The following ULK4 variants were observed in gnomAD, a reference collection of about 807,000 sequenced individuals.
ULK4 encodes unc-51 like kinase 4.
In ULK4, 133 loss-of-function variants were observed where a neutral mutation model predicts 160.6. The ratio of observed to expected loss-of-function variants is 0.83; its 90% CI spans 0.72 to 0.96. The LOEUF is 0.96. Ranked by LOEUF, ULK4 falls within the 40% of genes least tolerant of loss-of-function variation. ULK4 has a pLI of 0.00. For synonymous variants in ULK4, 534 were observed against 539.8 expected (o/e 0.99, Z 0.15); for missense variants, 1,580 against 1,499.5 (o/e 1.05, Z -0.89).
intron 32 of ULK4, among the ~76,000 whole-genome samples, chr3:41,540,985 G>A (rs2086676657): frequency 6.6e-6 from 1 of 152,118 alleles, no homozygotes; most frequent in African/African-American, 2.4e-5. Flanking sequence ...TAGGTTGCCT[G>A]TTCACTCTGA....
Position 41,651,651 on chromosome 3 carries a change from A to G in ULK4, c.3071+11956T>C, listed in dbSNP as rs185916441. ...CATGATTCTATGATATAAATAAACT[A>G]TAAGACCTCAAGAGACAGAAAAGTA... On this transcript the variant is annotated intron_variant, in intron 30 of 36. Transcript: ENST00000301831. Among the ~76,000 whole-genome samples the G allele has an allele frequency of 4.6e-5, 7 of 152,374 alleles. No homozygotes were observed. The East Asian group carries it at 7.7e-4, about 17-fold the overall frequency.
At chr3:41,623,193 T>G (rs908456627) in intron 30 of ULK4, among the ~76,000 whole-genome samples, 5 of 152,230 alleles carry the variant, frequency 3.3e-5, no homozygotes, top group Non-Finnish European at 2.9e-5. Flanking sequence ...TATTTAATAG[T>G]ATGATTAAAT....
intron 17 of ULK4, among the ~76,000 whole-genome samples, chr3:41,869,636 G>A (rs1458880993): frequency 1.3e-5 from 2 of 152,026 alleles, no homozygotes; most frequent in African/African-American, 4.8e-5. Flanking sequence ...ATAAAATATA[G>A]GGATACAATA....
intron 21 of ULK4, among the ~76,000 whole-genome samples, chr3:41,773,899 GC>G: frequency 6.6e-6 from 1 of 152,152 alleles, no homozygotes; most frequent in Non-Finnish European, 1.5e-5. Context: ...ACAGAACAGA[GC>G]CCTCAGAAAT....
chr3:41,342,051 A>G (rs1467846556), intron 35 of ULK4, among the ~76,000 whole-genome samples: 2 of 152,310 alleles, frequency 1.3e-5, no homozygotes, highest in Admixed American at 6.5e-5. Context: ...ACAGTTTATG[A>G]TAAGAACTGG....
chr3:41,834,783 C>A (rs1010239896), intron 18 of ULK4, among the ~76,000 whole-genome samples: 1 of 152,182 alleles, frequency 6.6e-6, no homozygotes. Context: ...GTGGCTCACA[C>A]CTGTAATCCC....
chr3:41,342,173 A>G (rs2080700116), intron 35 of ULK4, among the ~76,000 whole-genome samples: 1 of 152,158 alleles, frequency 6.6e-6, no homozygotes, highest in Non-Finnish European at 1.5e-5. Context: ...AGGGTTTGGA[A>G]TCAAGCTTGT....
At chr3:41,464,989 A>G (rs886847108) in intron 32 of ULK4, among the ~76,000 whole-genome samples, 2 of 152,212 alleles carry the variant, frequency 1.3e-5, no homozygotes, top group African/African-American at 4.8e-5. Context: ...TGTGTAAAAA[A>G]CAGACAACAG....
intron 31 of ULK4, among the ~76,000 whole-genome samples, chr3:41,577,968 T>TA (rs964200052): frequency 1.2e-4 from 18 of 152,208 alleles, no homozygotes; most frequent in African/African-American, 4.3e-4. Flanking sequence ...TGGTTGCCCT[T>TA]AACACCTTCT....
intron 32 of ULK4, among the ~76,000 whole-genome samples, chr3:41,527,732 T>A (rs1024018989): frequency 1.6e-4 from 24 of 152,208 alleles, no homozygotes; most frequent in African/African-American, 5.8e-4. Context: ...TATAAAAAAA[T>A]TTTCAAAAGC....
At chr3:41,336,400 G>A (rs1483149712) in intron 35 of ULK4, among the ~76,000 whole-genome samples, 2 of 152,172 alleles carry the variant, frequency 1.3e-5, no homozygotes, top group Non-Finnish European at 2.9e-5. Flanking sequence ...AATGTTACTG[G>A]GGTCCAAATT....
chr3:41,445,798 C>G (rs1004991766), intron 34 of ULK4, among the ~76,000 whole-genome samples: 2 of 152,086 alleles, frequency 1.3e-5, no homozygotes, highest in African/African-American at 4.8e-5. Flanking sequence ...CAATACCATT[C>G]AGGACATAGG....
At position 41,470,040 on chromosome 3, in the gene ULK4, A is replaced by C. The variant is rs907683714; in HGVS notation, c.3227-6787T>G. ...ACAGAAAAAAAAAAAAAAAAAAAAAAAAAAAACAAAGTATTTTTAAAGGAA... is the reference window on the plus strand; with the variant it reads ...ACAGAAAAAAAAAAAAAAAAAAAAACAAAAAACAAAGTATTTTTAAAGGAA... On this transcript the variant is annotated intron_variant, in intron 32 of 36. Coordinates refer to ENST00000301831, the MANE Select transcript of ULK4 (RefSeq NM_017886.4). 3.2e-4 allele frequency among the ~76,000 whole-genome samples: 47 copies of C among 148,702 alleles called. No individual in the cohort carries two copies. In the East Asian group the frequency reaches 6.1e-3, roughly 19 times the overall value.
At chr3:41,937,917 GGAATT>G (rs1304471136) in intron 3 of ULK4, 176 bp downstream of exon 3, 1 of 404,188 alleles carries the variant, frequency 2.5e-6, no homozygotes, top group Non-Finnish European at 4.3e-6. Flanking sequence ...AATCCAACCC[GGAATT>G]GAATTTACAT....
intron 32 of ULK4, among the ~76,000 whole-genome samples, chr3:41,549,323 A>T (rs544716974): frequency 2.0e-5 from 3 of 152,314 alleles, no homozygotes; most frequent in African/African-American, 7.2e-5. Context: ...TATCAATGAG[A>T]ATTTCAACAA....
intron 35 of ULK4, among the ~76,000 whole-genome samples, chr3:41,344,752 C>CAAAAAAAAAAAAAAAAAAA (rs59466358): frequency 1.6e-5 from 1 of 62,820 alleles, no homozygotes; most frequent in Non-Finnish European, 3.1e-5. Context: ...GACTCTGTCT[C>CAAAAAAAAAAAAAAAAAAA]AAAAAAAAAA....
intron 17 of ULK4, among the ~76,000 whole-genome samples, chr3:41,840,366 G>GCCCTCT (rs945242819): frequency 1.3e-5 from 2 of 151,970 alleles, no homozygotes; most frequent in Non-Finnish European, 2.9e-5. Context: ...CCTCTCCCTT[G>GCCCTCT]CCCTCTCCCT....
intron 35 of ULK4, among the ~76,000 whole-genome samples, chr3:41,326,369 C>T (rs1681419087): frequency 6.6e-6 from 1 of 152,070 alleles, no homozygotes; most frequent in Admixed American, 6.5e-5. Context: ...CTACAATCCC[C>T]AGTTCTCTTT....
chr3:41,886,922 T>C (rs1559629716), intron 16 of ULK4, among the ~76,000 whole-genome samples: 2 of 152,286 alleles, frequency 1.3e-5, no homozygotes, highest in Non-Finnish European at 2.9e-5. Flanking sequence ...AGTAAACCCA[T>C]AGTAGTGGTA....
Sources: allele counts gnomAD v4.1 joint callset (sites outside exome capture counted in the v4.1 genomes callset), GRCh38; gene constraint gnomAD v4.1.1; transcripts MANE v1.5; gene names NCBI Gene and HGNC (gene_info 2026-07-23, HGNC 2026-07-21).